SPIDR: variants seen among roughly 807,000 people sequenced by gnomAD.
SPIDR encodes the protein DNA repair-scaffolding protein.
In SPIDR, 93 loss-of-function variants were observed where a neutral mutation model predicts 104.6. The observed-to-expected ratio is 0.89, with a 90% CI of 0.75 to 1.06. The LOEUF (loss-of-function observed/expected upper bound fraction) is 1.06, where lower values mean the gene tolerates loss of function less well. Ranked by LOEUF, SPIDR falls within the 50% of genes least tolerant of loss-of-function variation. The pLI is 0.00. For missense variants in SPIDR, 1,154 were observed against 1,111.2 expected, an observed-to-expected ratio of 1.04 and a Z score of -0.55; for synonymous variants, 431 against 416.9, an observed-to-expected ratio of 1.03 and a Z score of -0.41.
chr8:47,433,259 C>G (rs2067676596), intron 7 of SPIDR, among the ~76,000 whole-genome samples: 1 of 152,170 alleles, frequency 6.6e-6, no homozygotes, highest in Non-Finnish European at 1.5e-5. Flanking sequence ...ATCATCCATC[C>G]TGGATTGCTG....
chr8:47,265,948 A>G (rs567689573), intron 1 of SPIDR, among the ~76,000 whole-genome samples: 4 of 151,412 alleles, frequency 2.6e-5, no homozygotes, highest in Admixed American at 2.6e-4. Flanking sequence ...CGTAACTTCT[A>G]ATCACCTGCC....
At chr8:47,481,115 G>A (rs1554726733) in intron 8 of SPIDR, among the ~76,000 whole-genome samples, 1 of 152,162 alleles carries the variant, frequency 6.6e-6, no homozygotes, top group Non-Finnish European at 1.5e-5. Context: ...CTATCTTTGT[G>A]ATGTTACTGT....
intron 8 of SPIDR, among the ~76,000 whole-genome samples, chr8:47,471,682 CT>C (rs1209336963): frequency 2.0e-5 from 3 of 152,048 alleles, no homozygotes; most frequent in South Asian, 2.1e-4. Context: ...GAATAGTCCA[CT>C]TAAAATGGTC....
At chr8:47,495,310 G>C (rs2079267599) in intron 8 of SPIDR, among the ~76,000 whole-genome samples, 1 of 150,958 alleles carries the variant, frequency 6.6e-6, no homozygotes, top group African/African-American at 2.4e-5. Flanking sequence ...TTGTCTCCTT[G>C]TCCTCTGAGA....
intron 8 of SPIDR, among the ~76,000 whole-genome samples, chr8:47,459,001 T>C (rs2073489108): frequency 6.6e-6 from 1 of 152,170 alleles, no homozygotes; most frequent in Non-Finnish European, 1.5e-5. Flanking sequence ...ACACACTTGA[T>C]CATGGTGGAT....
intron 7 of SPIDR, among the ~76,000 whole-genome samples, chr8:47,428,266 G>C (rs1166903442): frequency 2.0e-5 from 3 of 152,174 alleles, no homozygotes; most frequent in African/African-American, 4.8e-5. Context: ...TGAGCAGGAG[G>C]GTGAACAAAG....
intron 9 of SPIDR, among the ~76,000 whole-genome samples, chr8:47,597,264 G>A (rs1056801091): frequency 2.6e-5 from 4 of 151,924 alleles, no homozygotes; most frequent in African/African-American, 4.8e-5. Flanking sequence ...TGTGCACAAC[G>A]TGCAGGTTTG....
intron 8 of SPIDR, among the ~76,000 whole-genome samples, chr8:47,570,366 C>G (rs898656582): frequency 6.6e-6 from 1 of 152,092 alleles, no homozygotes; most frequent in Non-Finnish European, 1.5e-5. Context: ...TATCCACATG[C>G]AAAATAATAG....
chr8:47,502,567 GT>G (rs1412809244), intron 8 of SPIDR, among the ~76,000 whole-genome samples: 2 of 151,966 alleles, frequency 1.3e-5, no homozygotes, highest in African/African-American at 4.8e-5. Flanking sequence ...TATGAATTTT[GT>G]TGATCTTTTC....
intron 6 of SPIDR, among the ~76,000 whole-genome samples, chr8:47,405,575 A>G (rs1029959456): frequency 1.2e-4 from 18 of 152,090 alleles, no homozygotes; most frequent in Admixed American, 1.3e-4. Context: ...ATGTTTACCA[A>G]TGTCAAATTG....
At chr8:47,475,591 T>C (rs553227784) in intron 8 of SPIDR, among the ~76,000 whole-genome samples, 8 of 152,352 alleles carry the variant, frequency 5.3e-5, no homozygotes, top group African/African-American at 1.9e-4. Context: ...TAGCCTTGTA[T>C]GTACCTAAGC....
chr8:47,732,413 G>T (rs778013468), intron 19 of SPIDR: 11 of 562,938 alleles, frequency 2.0e-5, no homozygotes, highest in Non-Finnish European at 3.2e-5. Flanking sequence ...ATGCGTACAT[G>T]TGTGTATGTG....
Position 47,728,975 on chromosome 8 carries a change from TC to T in SPIDR, c.2480del (p.Pro827LeufsTer21). The T allele has an allele frequency of 6.2e-7, 1 of 1,613,888 alleles. No individual in the cohort carries two copies. The highest frequency in any genetic ancestry group is 8.5e-7 in the Non-Finnish European group (1 of 1,180,004). On this transcript the variant is annotated frameshift_variant, in exon 18 of 20. Transcript: ENST00000297423. LOFTEE classifies it high-confidence loss of function. ...GGGACTGCTCCCGGGTGGTCACATC[TC>T]CTGTTCTCAAGAGGCACCTGCAGGT... ...CGDCSRVVTS[P>X]VLKRHLQVFL...
At chr8:47,427,751 T>C (rs1403127666) in intron 7 of SPIDR, among the ~76,000 whole-genome samples, 1 of 152,086 alleles carries the variant, frequency 6.6e-6, no homozygotes, top group African/African-American at 2.4e-5. Flanking sequence ...TGGGGTTTCC[T>C]CGGTCTTGTC....
In SPIDR at chr8:47,578,941, G is replaced by A. The variant is rs578185882; in HGVS notation, c.1098-16870G>A. Among the ~76,000 whole-genome samples the A allele has an allele frequency of 1.1e-3, 167 of 152,260 alleles. 4 individuals carry two copies. The South Asian group carries it at 0.034, about 31-fold the overall frequency. On this transcript the variant is annotated intron_variant, in intron 8 of 19. Transcript: ENST00000297423. ...GAGAAACACCTTTGAATGAAGTCTTGTCAAATAAGAAGCTGAAAATAAAAG... is the reference window on the plus strand; with the variant it reads ...GAGAAACACCTTTGAATGAAGTCTTATCAAATAAGAAGCTGAAAATAAAAG...
At chr8:47,495,539 T>A (rs2079311176) in intron 8 of SPIDR, among the ~76,000 whole-genome samples, 1 of 152,144 alleles carries the variant, frequency 6.6e-6, no homozygotes, top group African/African-American at 2.4e-5. Context: ...AGCTACTACT[T>A]TTCATTCCAG....
intron 7 of SPIDR, among the ~76,000 whole-genome samples, chr8:47,435,259 C>T (rs1389567615): frequency 2.0e-5 from 3 of 152,102 alleles, no homozygotes; most frequent in African/African-American, 7.2e-5. Context: ...AGCTGTCCTC[C>T]CGCCCTGGCT....
chr8:47,582,773 G>A (rs1309610216), intron 8 of SPIDR, among the ~76,000 whole-genome samples: 1 of 151,280 alleles, frequency 6.6e-6, no homozygotes, highest in Admixed American at 6.6e-5. Context: ...AGGCTGAAGG[G>A]TCACTTGTTG....
At chr8:47,391,604 A>G (rs2060587704) in intron 5 of SPIDR, among the ~76,000 whole-genome samples, 1 of 152,052 alleles carries the variant, frequency 6.6e-6, no homozygotes, top group Non-Finnish European at 1.5e-5. Flanking sequence ...AGAATCCAGG[A>G]TTTGCTCTGT....
Sources: gnomAD v4.1 joint callset for allele counts (sites outside exome capture counted in the v4.1 genomes callset) on GRCh38, gnomAD v4.1.1 for gene constraint, MANE v1.5 for transcripts, NCBI Gene and HGNC (gene_info 2026-07-23, HGNC 2026-07-21) for gene names.